Variants in PTGFRN observed in about 807,000 individuals in gnomAD.
PTGFRN encodes the protein prostaglandin F2 receptor inhibitor.
Under a neutral mutation model 83.2 loss-of-function variants are expected in PTGFRN, and 35 were observed. That is an observed-to-expected ratio of 0.42 (90% confidence interval 0.32 to 0.56). The LOEUF (loss-of-function observed/expected upper bound fraction) is 0.56, where lower values mean the gene tolerates loss of function less well. Among genes scored for constraint, PTGFRN ranks in the 20% least tolerant of loss-of-function variants. PTGFRN has a pLI of 0.11. For synonymous variants in PTGFRN, 519 were observed against 498.6 expected (o/e 1.04, Z -0.55); for missense variants, 1,051 against 1,179.5 (o/e 0.89, Z 1.60).
At chr1:116,936,641 G>A (rs1649927398) in intron 1 of PTGFRN, among the ~76,000 whole-genome samples, 1 of 152,188 alleles carries the variant, frequency 6.6e-6, no homozygotes, top group South Asian at 2.1e-4. Context: ...CAGAGGCCAT[G>A]AAGCACCAGA....
At position 116,944,948 on chromosome 1, in the gene PTGFRN, T is replaced by C. The variant is rs761885677; in HGVS notation, c.688T>C (p.Tyr230His). 1 of 1,613,408 alleles carries C rather than the reference T, an allele frequency of 6.2e-7. No individual in the cohort carries two copies. Among genetic ancestry groups the C allele is most frequent in the Non-Finnish European group, 8.5e-7 (1 of 1,180,028 alleles). Residue 230 changes from tyrosine (Y) to histidine (H), a missense_variant, in exon 3 of 9, where the codon TAC becomes CAC. Tyr to His is a moderately conservative substitution (Grantham distance 83). Around this residue, in one of 3 missense-constraint regions of PTGFRN, gnomAD observed 205 missense variants for 174.5 expected, o/e 1.17. Transcript: ENST00000393203. ...CCTCGACACCGTGGGCAGCGACGCCTACCGCCTCTCAGTGTCCCGGGCTCT... is the reference window on the plus strand; with the variant it reads ...CCTCGACACCGTGGGCAGCGACGCCCACCGCCTCTCAGTGTCCCGGGCTCT... ...VRLDTVGSDAYRLSVSRALSA... is the reference protein window; with the variant it reads ...VRLDTVGSDAHRLSVSRALSA...
At chr1:116,944,119 A>G (rs1400911545) in intron 2 of PTGFRN, among the ~76,000 whole-genome samples, 5 of 152,256 alleles carry the variant, frequency 3.3e-5, no homozygotes, top group African/African-American at 1.2e-4. Context: ...TGCAAGCCAC[A>G]GGCAGCTCAT....
At position 116,910,330 on chromosome 1, in the gene PTGFRN, G is replaced by A. The variant is rs1312397125; in HGVS notation, c.49+78G>A. 13 of 1,209,974 alleles carry A rather than the reference G, an allele frequency of 1.1e-5. No individual in the cohort carries two copies. In the East Asian group the frequency reaches 3.0e-4, roughly 27 times the overall value. 75.0% of individuals were successfully genotyped at this position (1,209,974 alleles called of 1,614,324 possible). A position where few individuals can be genotyped will look rare whatever the true frequency, so the allele number is the denominator to read the frequency against. On this transcript the variant is annotated intron_variant, in intron 1 of 8. Coordinates refer to ENST00000393203, the MANE Select transcript of PTGFRN (RefSeq NM_020440.4). ...GGGCTCGGCGGGGCGCGGCTGCAGC[G>A]CGCGGCCTGGGGCGCCGAGGGTGCC...
At position 116,945,016 on chromosome 1, in the gene PTGFRN, G is replaced by T; in HGVS notation, c.756G>T (p.Trp252Cys). Residue 252 changes from tryptophan (W) to cysteine (C), a missense_variant, in exon 3 of 9, where the codon TGG becomes TGT. Trp to Cys is a radical substitution (Grantham distance 215). This residue lies in a region of PTGFRN where 719 missense variants were observed against 836.6 expected (regional missense o/e 0.86). Transcript: ENST00000393203. ...CCTACAGGTGTATCGTCAGCGAGTG[G>T]ATCGCCGAGCAGGGCAACTGGCAGG... ...QGSYRCIVSEWIAEQGNWQEI... is the reference protein window; with the variant it reads ...QGSYRCIVSECIAEQGNWQEI... The T allele has an allele frequency of 1.2e-6, 2 of 1,613,926 alleles. No individual in the cohort carries two copies. Among genetic ancestry groups the T allele is most frequent in the South Asian group, 1.1e-5 (1 of 91,084 alleles).
At chr1:116,983,947 T>C (rs1280676348) in intron 7 of PTGFRN, among the ~76,000 whole-genome samples, 1 of 152,244 alleles carries the variant, frequency 6.6e-6, no homozygotes, top group African/African-American at 2.4e-5. Flanking sequence ...GAATTACCAC[T>C]TGTGCCAAAG....
At chr1:116,985,073 T>G (rs1298746851) in intron 8 of PTGFRN, 88 bp downstream of exon 8, 3 of 1,369,802 alleles carry the variant, frequency 2.2e-6, no homozygotes, top group Admixed American at 3.8e-5. Flanking sequence ...TGGCCACAGT[T>G]TGAGGAATGT....
In PTGFRN at chr1:116,985,003, AT is replaced by A. The variant is rs1194152295; in HGVS notation, c.2473+21del. ...GATGGATGGTAAGAATGTCACCCAAATTTCTCAGTGTTTGGGAATGTCTTCT... is the reference window on the plus strand; with the variant it reads ...GATGGATGGTAAGAATGTCACCCAAATTCTCAGTGTTTGGGAATGTCTTCT... On this transcript the variant is annotated intron_variant, in intron 8 of 8. Coordinates refer to ENST00000393203, the MANE Select transcript of PTGFRN (RefSeq NM_020440.4). The A allele has an allele frequency of 1.9e-6, 3 of 1,602,520 alleles. No individual in the cohort carries two copies. Among genetic ancestry groups the A allele is most frequent in the Non-Finnish European group, 2.6e-6 (3 of 1,174,522 alleles).
In PTGFRN at chr1:116,944,830, C is replaced by T. The variant is rs942785577; in HGVS notation, c.570C>T (p.Gly190=). 5.1e-6 allele frequency: 8 copies of T among 1,582,400 alleles called. No individual in the cohort carries two copies. Among genetic ancestry groups the T allele is most frequent in the Non-Finnish European group, 6.0e-6 (7 of 1,167,454 alleles). ...CGCTGCTGTGGGAGGTGCACCGCGG[C>T]CCGGCCAGGCGGAGCGTCCTCGCCC... ...HLALLWEVHR[G]PARRSVLALT... is the part of the protein sequence containing the mutation. Residue 190 remains glycine, a synonymous_variant, in exon 3 of 9, where the codon GGC becomes GGT. Transcript: ENST00000393203.
chr1:116,979,802 T>G (rs1489252399), intron 7 of PTGFRN, among the ~76,000 whole-genome samples: 5 of 152,192 alleles, frequency 3.3e-5, no homozygotes, highest in African/African-American at 1.2e-4. Flanking sequence ...ATTCAGGACA[T>G]AGGCATGGGC....
rs1267558769 is a variant in PTGFRN at position 116,958,427 on chromosome 1, C to T, written c.1214-2816C>T. Among the ~76,000 whole-genome samples the T allele has an allele frequency of 1.3e-5, 2 of 152,204 alleles. No individual in the cohort carries two copies. The highest frequency in any genetic ancestry group is 2.9e-5 in the Non-Finnish European group (2 of 68,032). ...GGTTCATCTGTGAGCTAAGGATGCA[C>T]TTGAAAGGTGGTAGAAGACAGGGCT... On this transcript the variant is annotated intron_variant, in intron 4 of 8. Transcript: ENST00000393203. The surrounding 1 kb of genome is among the most constrained non-coding windows in gnomAD (Gnocchi z 4.9).
Position 116,987,449 on chromosome 1 carries a change from C to G in PTGFRN, c.*482C>G, listed in dbSNP as rs1396492000. 1 of 165,482 alleles carries G rather than the reference C, an allele frequency of 6.0e-6. No individual in the cohort carries two copies. Among genetic ancestry groups the G allele is most frequent in the Non-Finnish European group, 1.3e-5 (1 of 76,232 alleles). The allele number at this position is 165,482 out of a possible 1,614,324, so 10.3% of individuals were successfully genotyped here. A position where few individuals can be genotyped will look rare whatever the true frequency, so the allele number is the denominator to read the frequency against. ...CCCTCTACCCGGCTGACAGACAACA[C>G]AGACCTGTGCCGAAGGCTAATTTGT... On this transcript the variant is annotated 3_prime_UTR_variant, in exon 9 of 9. Transcript: ENST00000393203.
rs1452308455 is a variant in PTGFRN at position 116,958,440 on chromosome 1, A to G, written c.1214-2803A>G. 6.6e-6 allele frequency among the ~76,000 whole-genome samples: 1 copy of G among 152,218 alleles called. No homozygotes were observed. The highest frequency in any genetic ancestry group is 1.5e-5 in the Non-Finnish European group (1 of 68,030). ...GCTAAGGATGCACTTGAAAGGTGGT[A>G]GAAGACAGGGCTCCGTTCCCATCTG... On this transcript the variant is annotated intron_variant, in intron 4 of 8. Transcript: ENST00000393203. The surrounding 1 kb of genome is among the most constrained non-coding windows in gnomAD (Gnocchi z 4.9).
intron 2 of PTGFRN, among the ~76,000 whole-genome samples, chr1:116,942,848 A>C (rs1338781055): frequency 6.6e-6 from 1 of 152,270 alleles, no homozygotes; most frequent in African/African-American, 2.4e-5. Context: ...CTCTGAACCC[A>C]ATCAAAATAG....
intron 7 of PTGFRN, chr1:116,974,557 G>C: frequency 2.3e-6 from 1 of 433,470 alleles, no homozygotes; most frequent in South Asian, 6.0e-5. Flanking sequence ...GAGCTGTCAA[G>C]ACAGTCAGTG....
rs770742212 is a variant in PTGFRN, at chr1:116,967,063, A to G, written c.1792A>G (p.Ser598Gly). The G allele has an allele frequency of 5.6e-6, 9 of 1,614,222 alleles. No individual in the cohort carries two copies. The highest frequency in any genetic ancestry group is 1.7e-5 in the Admixed American group (1 of 60,034). Residue 598 changes from serine (S) to glycine (G), a missense_variant, in exon 6 of 9, where the codon AGT becomes GGT. Physicochemically the swap from Ser to Gly is moderately conservative, Grantham distance 56 (BLOSUM62 0). Transcript: ENST00000393203. The stretch of plus-strand genomic sequence containing the variant: ...TGAGAAGCCTGTCGGCGACCTCTCC[A>G]GTCCCAATGAAACGAAGTACATCAT... ...MAEKPVGDLS[S>G]PNETKYIISL... is the part of the protein sequence containing the mutation.
intron 7 of PTGFRN, among the ~76,000 whole-genome samples, chr1:116,975,488 T>G (rs968314453): frequency 6.6e-6 from 1 of 152,180 alleles, no homozygotes; most frequent in African/African-American, 2.4e-5. Flanking sequence ...AGGGGCAGAC[T>G]GACACCTCAC....
At chr1:116,931,600 T>C (rs1012005328) in intron 1 of PTGFRN, among the ~76,000 whole-genome samples, 1 of 152,046 alleles carries the variant, frequency 6.6e-6, no homozygotes, top group African/African-American at 2.4e-5. Flanking sequence ...TTACACATTC[T>C]CTGCTGTCTA....
intron 4 of PTGFRN, among the ~76,000 whole-genome samples, chr1:116,956,348 AT>A (rs750120300): frequency 3.9e-5 from 6 of 152,120 alleles, no homozygotes; most frequent in Non-Finnish European, 8.8e-5. Context: ...CAATGAAGAG[AT>A]TTTTCTTTCC....
intron 1 of PTGFRN, among the ~76,000 whole-genome samples, chr1:116,934,249 A>C (rs1269951968): frequency 1.3e-5 from 2 of 152,024 alleles, no homozygotes; most frequent in Non-Finnish European, 2.9e-5. Flanking sequence ...GGGCTCAAGC[A>C]GTCCTTCCAC....
Sources: allele counts gnomAD v4.1 joint callset (sites outside exome capture counted in the v4.1 genomes callset), GRCh38; gene constraint gnomAD v4.1.1; regional missense constraint gnomAD v4.1.1; non-coding constraint Gnocchi (gnomAD v3.1); transcripts MANE v1.5; gene names NCBI Gene and HGNC (gene_info 2026-07-23, HGNC 2026-07-21).